NFRKB: variants seen among roughly 807,000 people sequenced by gnomAD.
NFRKB encodes nuclear factor related to kappa-B-binding protein.
A neutral mutation model predicts 135.7 loss-of-function variants in NFRKB; 62 were observed. That is an observed-to-expected ratio of 0.46 (90% confidence interval 0.37 to 0.56). The LOEUF is 0.56. NFRKB is among the 20% of genes least tolerant of loss of function. The pLI, the probability that NFRKB is intolerant of heterozygous loss-of-function variation, is 0.00. For missense variants in NFRKB, 1,545 were observed against 1,662.0 expected, an observed-to-expected ratio of 0.93 and a Z score of 1.22; for synonymous variants, 678 against 635.6, an observed-to-expected ratio of 1.07 and a Z score of -1.00.
intron 9 of NFRKB, among the ~76,000 whole-genome samples, chr11:129,882,838 C>T (rs2078242550): frequency 6.6e-6 from 1 of 152,052 alleles, no homozygotes; most frequent in Non-Finnish European, 1.5e-5. Flanking sequence ...AGCTGGAGTG[C>T]AGTGGTGCGA....
At chr11:129,877,223 A>C in intron 16 of NFRKB, 102 bp downstream of exon 16, 1 of 1,161,984 alleles carries the variant, frequency 8.6e-7, no homozygotes. Flanking sequence ...GGGGAAAGGT[A>C]TGAGTTTCTT....
chr11:129,874,872 T>A lies in NFRKB; in HGVS notation c.1899A>T (p.Glu633Asp). 1 of 1,614,208 alleles carries A rather than the reference T, an allele frequency of 6.2e-7. No homozygotes were observed. The highest frequency in any genetic ancestry group is 8.5e-7 in the Non-Finnish European group (1 of 1,180,036). ...VSGALDRLHY[E>D]KDPCVKYDIG... ...TGTCGTATTTCACACAGGGATCTTT[T>A]TCGTAATGTAGCCGATCCAGTGCAC... Residue 633 changes from glutamate to aspartate, a missense_variant, in exon 19 of 27, where the codon GAA (glutamate) becomes GAT (aspartate). Coordinates refer to ENST00000682444, the MANE Select transcript of NFRKB (RefSeq NM_001143835.2). This position sits in a 1 kb window ranked among gnomAD's most constrained non-coding sequence, Gnocchi z 4.5.
At chr11:129,866,185 A>G (rs1030439872) in intron 24 of NFRKB, among the ~76,000 whole-genome samples, 5 of 152,238 alleles carry the variant, frequency 3.3e-5, no homozygotes, top group African/African-American at 1.2e-4. Flanking sequence ...GTGAAATCTG[A>G]TCTTTTATCA....
Position 129,882,955 on chromosome 11 carries a change from T to C in NFRKB, c.901+167A>G, listed in dbSNP as rs562079731. 8.5e-4 allele frequency among the ~76,000 whole-genome samples: 129 copies of C among 152,318 alleles called. 4 individuals are homozygous for C. The South Asian group carries it at 0.026, about 31-fold the overall frequency. Reference sequence around the variant, plus strand: ...TATTTATTAAAGAGCTGATGCTCTGTTGTACTGATTTTACATTCATTTCCC... The same window carrying C: ...TATTTATTAAAGAGCTGATGCTCTGCTGTACTGATTTTACATTCATTTCCC... On this transcript the variant is annotated intron_variant, in intron 9 of 26. Transcript: ENST00000682444.
Position 129,881,795 on chromosome 11 carries a change from A to T in NFRKB, c.1250T>A (p.Phe417Tyr). 1 of 1,613,870 alleles carries T rather than the reference A, an allele frequency of 6.2e-7. No homozygotes were observed. The highest frequency in any genetic ancestry group is 1.7e-4 in the Middle Eastern group (1 of 6,060). The change falls in exon 12 of 27, where the codon TTC (phenylalanine) becomes TAC (tyrosine). Residue 417 changes from phenylalanine (F) to tyrosine (Y), a missense_variant. Phe to Tyr is a conservative substitution (Grantham distance 22, BLOSUM62 3). Around this residue, in one of 3 missense-constraint regions of NFRKB, gnomAD observed 678 missense variants for 646.7 expected, o/e 1.05. Transcript: ENST00000682444. ...SSPASSLNSW[F>Y]SAAPNWAELV... ...CTCAGCCCAGTTGGGGGCCGCAGAG[A>T]ACCAGCTGTTGAGGGAGCTGGCTGG...
chr11:129,884,684 G>A (rs1315224668), intron 7 of NFRKB, 61 bp downstream of exon 7: 18 of 1,591,368 alleles, frequency 1.1e-5, no homozygotes, highest in Non-Finnish European at 1.5e-5. Flanking sequence ...TCCCTCTAAA[G>A]GAGTTTTCAG....
chr11:129,865,574 A>C (rs1340032659), intron 25 of NFRKB, among the ~76,000 whole-genome samples: 1 of 152,158 alleles, frequency 6.6e-6, no homozygotes, highest in Non-Finnish European at 1.5e-5. Context: ...GCTGAGCCCC[A>C]TCCTAGCACT....
chr11:129,891,646 A>G (rs189952261), intron 3 of NFRKB, among the ~76,000 whole-genome samples: 124 of 152,324 alleles, frequency 8.1e-4, no homozygotes, highest in African/African-American at 2.7e-3. Context: ...AGTGGCCTCC[A>G]TGGTACTCCA....
At chr11:129,882,219 AACCAAAAAG>A in intron 10 of NFRKB, 25 bp from the exon 11 acceptor site, 1 of 1,575,824 alleles carries the variant, frequency 6.3e-7, no homozygotes, top group South Asian at 1.2e-5. Context: ...AAAATATAAG[AACCAAAAAG>A]ACCAAGAACA....
intron 3 of NFRKB, among the ~76,000 whole-genome samples, chr11:129,891,401 TAACTGGTCTGGACATTTACTCATCTG>T (rs1351560863): frequency 6.6e-6 from 1 of 152,258 alleles, no homozygotes; most frequent in Non-Finnish European, 1.5e-5. Flanking sequence ...AGCCATAGTT[TAACTGGTCTGGACATTTACTCATCTG>T]AACATAAATA....
chr11:129,887,673 T>A (rs995591485), intron 4 of NFRKB, among the ~76,000 whole-genome samples: 3 of 152,282 alleles, frequency 2.0e-5, no homozygotes, highest in Admixed American at 2.0e-4. Flanking sequence ...CCAAGCACAA[T>A]GCATGAACCC....
rs571831890 is a variant in NFRKB at position 129,869,395 on chromosome 11, A to G, written c.3531+99T>C. The stretch of plus-strand genomic sequence containing the variant: ...CCTCTAATTTCCACTCCTAAAAAGA[A>G]GTTTCCTAGTTTTTAGGGAGTTTCT... On this transcript the variant is annotated intron_variant, in intron 24 of 26. Transcript: ENST00000682444. The G allele has an allele frequency of 2.9e-4, 396 of 1,380,154 alleles. 1 individual carries two copies. In the African/African-American group the frequency reaches 5.1e-3, roughly 18 times the overall value. 85.5% of individuals were successfully genotyped at this position (1,380,154 alleles called of 1,614,324 possible). A position where few individuals can be genotyped will look rare whatever the true frequency, so the allele number is the denominator to read the frequency against.
intron 4 of NFRKB, 34 bp from the exon 5 acceptor site, chr11:129,886,478 A>G: frequency 6.3e-7 from 1 of 1,587,416 alleles, no homozygotes; most frequent in South Asian, 1.1e-5. Flanking sequence ...ATTTACATCA[A>G]TCAACAAATA....
At position 129,876,705 on chromosome 11, in the gene NFRKB, G is replaced by A. The variant is rs185244251; in HGVS notation, c.1747+16C>T. On this transcript the variant is annotated intron_variant, in intron 17 of 26. Coordinates refer to ENST00000682444, the MANE Select transcript of NFRKB (RefSeq NM_001143835.2). Reference sequence around the variant, plus strand: ...GTGAAGAAAGGGATCTCTGATAATCGACACGTGCCACCTACCAAGAGACAG... The same window carrying A: ...GTGAAGAAAGGGATCTCTGATAATCAACACGTGCCACCTACCAAGAGACAG... 139 of 1,607,894 alleles carry A rather than the reference G, an allele frequency of 8.6e-5. No homozygotes were observed. In the East Asian group the frequency reaches 2.0e-3, roughly 23 times the overall value.
At chr11:129,867,931 G>A (rs1352828946) in intron 24 of NFRKB, among the ~76,000 whole-genome samples, 2 of 152,086 alleles carry the variant, frequency 1.3e-5, no homozygotes, top group African/African-American at 4.8e-5. Flanking sequence ...GATTATTTTG[G>A]CAAATTTGAA....
chr11:129,875,581 C>G (rs1277872648), intron 17 of NFRKB, 118 bp from the exon 18 acceptor site: 1 of 687,056 alleles, frequency 1.5e-6, no homozygotes, highest in East Asian at 2.8e-5. Context: ...TCTACCTTCC[C>G]TGATGCCGGA....
chr11:129,893,157 G>C, intron 2 of NFRKB: 1 of 1,032,538 alleles, frequency 9.7e-7, no homozygotes, highest in Non-Finnish European at 1.3e-6. Flanking sequence ...ATGAGACTGA[G>C]AATAAATGAT....
At chr11:129,875,551 C>T in intron 17 of NFRKB, 88 bp from the exon 18 acceptor site, 1 of 995,440 alleles carries the variant, frequency 1.0e-6, no homozygotes. Context: ...ATGGGCAAAG[C>T]TGCCTGGGGT....
rs56112470 is a variant in NFRKB, at chr11:129,884,050, G to A, written c.816+20C>T. ...ACATCAGGCTGAAAACCACACGGCC[G>A]CACGCCCTTCCCATCTTACTGGCTG... On this transcript the variant is annotated intron_variant, in intron 8 of 26. Coordinates refer to ENST00000682444, the MANE Select transcript of NFRKB (RefSeq NM_001143835.2). 0.16 allele frequency: 262,747 copies of A among 1,612,412 alleles called. 22,858 individuals carry two copies. The highest frequency in any genetic ancestry group is 0.27 in the South Asian group (24,764 of 91,010).
Sources: gnomAD v4.1 joint callset for allele counts (sites outside exome capture counted in the v4.1 genomes callset) on GRCh38, gnomAD v4.1.1 for gene constraint, gnomAD v4.1.1 regional missense constraint, Gnocchi (gnomAD v3.1) non-coding constraint, MANE v1.5 for transcripts, NCBI Gene and HGNC (gene_info 2026-07-23, HGNC 2026-07-21) for gene names.